Variants in SVEP1 observed in about 807,000 individuals in gnomAD.
SVEP1 encodes sushi, von Willebrand factor type A, EGF and pentraxin domain containing 1, also known as sushi, von Willebrand factor type A, EGF and pentraxin domain-containing protein 1.
SVEP1 carries 164 observed loss-of-function variants against 367.3 expected under a neutral mutation model. The observed-to-expected ratio is 0.45, with a 90% CI of 0.39 to 0.51. SVEP1 has a LOEUF of 0.51. Ranked by LOEUF, SVEP1 falls within the 20% of genes least tolerant of loss-of-function variation. The pLI is 0.00. For missense variants in SVEP1, 4,117 were observed against 4,425.3 expected (o/e 0.93, Z 1.98); for synonymous variants, 1,666 against 1,611.6 (o/e 1.03, Z -0.81).
intron 3 of SVEP1, among the ~76,000 whole-genome samples, chr9:110,540,132 G>A (rs933787975): frequency 6.6e-6 from 1 of 152,006 alleles, no homozygotes; most frequent in African/African-American, 2.4e-5. Flanking sequence ...ATTATTATCA[G>A]TTATTGCTCT....
intron 8 of SVEP1, among the ~76,000 whole-genome samples, chr9:110,491,258 G>A (rs76518027): frequency 0.035 from 5,223 of 151,254 alleles, 283 homozygotes; most frequent in African/African-American, 0.12. Flanking sequence ...TCTACTTTCC[G>A]TTACAGAATC....
At chr9:110,450,775 G>A (rs1311691632) in intron 23 of SVEP1, among the ~76,000 whole-genome samples, 3 of 151,828 alleles carry the variant, frequency 2.0e-5, no homozygotes, top group African/African-American at 2.4e-5. Context: ...ATGCCCAGCC[G>A]ATAATCTGCT....
intron 1 of SVEP1, among the ~76,000 whole-genome samples, chr9:110,560,795 TTATC>T (rs1830417900): frequency 6.6e-6 from 1 of 152,166 alleles, no homozygotes. Flanking sequence ...CATTTCCAAG[TTATC>T]TATCTAAATC....
At chr9:110,385,274 C>G (rs575487328) in intron 43 of SVEP1, among the ~76,000 whole-genome samples, 2 of 152,332 alleles carry the variant, frequency 1.3e-5, no homozygotes, top group East Asian at 3.9e-4. Context: ...AGCCACCGCA[C>G]CCAGCTGGCA....
chr9:110,387,484 A>G (rs1458617552), intron 41 of SVEP1, 26 bp from the exon 42 acceptor site: 1 of 1,563,938 alleles, frequency 6.4e-7, no homozygotes, highest in African/African-American at 1.4e-5. Context: ...AAAGCCTCAT[A>G]TTAATTGCTT....
chr9:110,392,347 C>T (rs988030203), intron 40 of SVEP1, among the ~76,000 whole-genome samples: 2 of 151,958 alleles, frequency 1.3e-5, no homozygotes, highest in African/African-American at 4.8e-5. Context: ...TTGCCACTTG[C>T]TTCACTGTGG....
intron 1 of SVEP1, among the ~76,000 whole-genome samples, chr9:110,567,226 G>A (rs1020591724): frequency 3.9e-5 from 6 of 152,086 alleles, no homozygotes; most frequent in Non-Finnish European, 8.8e-5. Context: ...GATCTTTGTC[G>A]TAAGCAAGCA....
chr9:110,447,024 G>T lies in SVEP1; in HGVS notation c.4137C>A (p.His1379Gln). 3 of 1,533,578 alleles carry T rather than the reference G, an allele frequency of 2.0e-6. No individual in the cohort carries two copies. Among genetic ancestry groups the T allele is most frequent in the Non-Finnish European group, 2.6e-6 (3 of 1,140,794 alleles). The allele number at this position is 1,533,578 out of a possible 1,614,324, so 95.0% of individuals were successfully genotyped here. The change falls in exon 25 of 48, where the codon CAC becomes CAA. Residue 1379 changes from histidine (H) to glutamine (Q), a missense_variant. Coordinates refer to ENST00000374469, the MANE Select transcript of SVEP1 (RefSeq NM_153366.4). ...CLCAAGFTGS[H>Q]CELNINECQS... ...GACATTCATTGATGTTCAATTCACA[G>T]TGTGATCCTGTGAAGCCAGCTGCAC...
intron 40 of SVEP1, among the ~76,000 whole-genome samples, chr9:110,392,198 A>ATGAC (rs1004657975): frequency 6.8e-6 from 1 of 146,064 alleles, no homozygotes; most frequent in Non-Finnish European, 1.5e-5. Context: ...TTGGAGACTC[A>ATGAC]TGACTAATGC....
rs1296422815 is a variant in SVEP1, at chr9:110,404,475, C to T, written c.9518G>A (p.Arg3173Lys). The change falls in exon 39 of 48, where the codon AGA (arginine) becomes AAA (lysine). Residue 3173 changes from arginine (R) to lysine (K), a missense_variant. Physicochemically the swap from Arg to Lys is conservative, Grantham distance 26. Around this residue, in one of 4 missense-constraint regions of SVEP1, gnomAD observed 1,765 missense variants for 1,781.1 expected, o/e 0.99. Coordinates refer to ENST00000374469, the MANE Select transcript of SVEP1 (RefSeq NM_153366.4). ...ACATTTTTTAGGACTGCAGGAGATT[C>T]TCTCAGGGAACCAGCGACCATCTTT... The part of the protein sequence containing the change: ...CQKDGRWFPE[R>K]ISCSPKKCPL... 1.2e-6 allele frequency: 2 copies of T among 1,613,866 alleles called. No homozygotes were observed. Among genetic ancestry groups the T allele is most frequent in the African/African-American group, 2.7e-5 (2 of 74,918 alleles).
chr9:110,377,339 C>T lies in SVEP1; in HGVS notation c.10436G>A (p.Gly3479Glu). 1 of 1,613,700 alleles carries T rather than the reference C, an allele frequency of 6.2e-7. No homozygotes were observed. Among genetic ancestry groups the T allele is most frequent in the Non-Finnish European group, 8.5e-7 (1 of 1,179,694 alleles). Residue 3479 changes from glycine to glutamate, a missense_variant, in exon 45 of 48, where the codon GGG becomes GAG. Physicochemically the swap from Gly to Glu is moderately conservative, Grantham distance 98. Coordinates refer to ENST00000374469, the MANE Select transcript of SVEP1 (RefSeq NM_153366.4). ...RAVCRFPCQN[G>E]GICQRPNACS... is the part of the protein sequence containing the mutation. ...AGCATTTGGGCGTTGGCAGATGCCC[C>T]CATTCTGACATGGAAATCGACAGAC...
Position 110,387,324 on chromosome 9 carries a change from C to A in SVEP1, c.10021G>T (p.Glu3341Ter), listed in dbSNP as rs544465911. Residue 3341 changes from glutamate to a stop codon, truncating the protein, a stop_gained, in exon 42 of 48, where the codon GAA becomes TAA. Coordinates refer to ENST00000374469, the MANE Select transcript of SVEP1 (RefSeq NM_153366.4). LOFTEE classifies it high-confidence loss of function. The stretch of plus-strand genomic sequence containing the variant: ...ACTGGGTGGCTCCAGGTTCCATTTT[C>A]TGTGCAGTGTGCCTCAGATGGCCCT... ...LEGPSEAHCT[E>*]NGTWSHPVPL... 2 of 1,609,290 alleles carry A rather than the reference C, an allele frequency of 1.2e-6. No homozygotes were observed. Among genetic ancestry groups the A allele is most frequent in the East Asian group, 2.2e-5 (1 of 44,806 alleles).
At chr9:110,498,969 A>G in intron 7 of SVEP1, 72 bp downstream of exon 7, 1 of 1,308,662 alleles carries the variant, frequency 7.6e-7, no homozygotes, top group Non-Finnish European at 1.0e-6. Context: ...GCAAAGAAGG[A>G]TTGTCCTATA....
intron 3 of SVEP1, among the ~76,000 whole-genome samples, chr9:110,531,516 C>T (rs191887897): frequency 1.8e-4 from 28 of 152,294 alleles, no homozygotes; most frequent in Admixed American, 6.5e-4. Flanking sequence ...TTGCTCAGCA[C>T]TTCTCCTTGC....
Position 110,489,759 on chromosome 9 carries a change from T to C in SVEP1, c.1821A>G (p.Pro607=), listed in dbSNP as rs772300761. 4.4e-5 allele frequency: 71 copies of C among 1,613,122 alleles called. No individual in the cohort carries two copies. In the Admixed American group the frequency reaches 9.7e-4, roughly 22 times the overall value. Residue 607 remains proline (P), a synonymous_variant, in exon 9 of 48, where the codon CCA becomes CCG. Transcript: ENST00000374469. ...SGEKVSVHVH[P]AFTPPYLFPI... The stretch of plus-strand genomic sequence containing the variant: ...GGAAAAGGTAAGGTGGGGTGAAAGC[T>C]GGATGAACGTGGACTGACACCTATT...
At chr9:110,571,195 T>C (rs1190484803) in intron 1 of SVEP1, among the ~76,000 whole-genome samples, 1 of 151,606 alleles carries the variant, frequency 6.6e-6, no homozygotes, top group African/African-American at 2.4e-5. Context: ...CAGGCTGGTC[T>C]TGACCTCAGG....
intron 40 of SVEP1, among the ~76,000 whole-genome samples, chr9:110,397,891 C>T (rs763129802): frequency 1.6e-3 from 238 of 152,052 alleles, no homozygotes; most frequent in Non-Finnish European, 2.0e-3. Flanking sequence ...TAGGAAGAAT[C>T]AATATCATGA....
In SVEP1 at chr9:110,486,529, T is replaced by TTCTC. The variant is rs531140626; in HGVS notation, c.1931-2840_1931-2837dup. Reference sequence around the variant, plus strand: ...AAATGTAAGCTTTGGTGTATTTTCTTTCTCTCTCTCTCTCTGTCCCTTTCT... The same window carrying TTCTC: ...AAATGTAAGCTTTGGTGTATTTTCTTTCTCTCTCTCTCTCTCTCTGTCCCTTTCT... On this transcript the variant is annotated intron_variant, in intron 9 of 47. Transcript: ENST00000374469. 2.0e-5 allele frequency among the ~76,000 whole-genome samples: 3 copies of TTCTC among 151,118 alleles called. No individual in the cohort carries two copies. The East Asian group carries it at 5.8e-4, about 29-fold the overall frequency.
chr9:110,486,769 T>A (rs1227340822), intron 9 of SVEP1, among the ~76,000 whole-genome samples: 2 of 151,968 alleles, frequency 1.3e-5, no homozygotes, highest in Non-Finnish European at 2.9e-5. Context: ...TTCATTCTCC[T>A]GAATAGCTGA....
Sources: gnomAD v4.1 joint callset for allele counts (sites outside exome capture counted in the v4.1 genomes callset) on GRCh38, gnomAD v4.1.1 for gene constraint, gnomAD v4.1.1 regional missense constraint, MANE v1.5 for transcripts, NCBI Gene and HGNC (gene_info 2026-07-23, HGNC 2026-07-21) for gene names.